GAK: variants seen among roughly 807,000 people sequenced by gnomAD.
GAK encodes cyclin G associated kinase, also known as cyclin-G-associated kinase.
Under a neutral mutation model 143.9 loss-of-function variants are expected in GAK, and 79 were observed. The observed-to-expected ratio is 0.55, with a 90% CI of 0.46 to 0.66. The LOEUF is 0.66. Among genes scored for constraint, GAK ranks in the 30% least tolerant of loss-of-function variants. The pLI is 0.00. For synonymous variants in GAK, 881 were observed against 765.5 expected (o/e 1.15, Z -2.49); for missense variants, 1,693 against 1,779.7 (o/e 0.95, Z 0.88).
At chr4:908,465 C>A (rs1256584236) in intron 4 of GAK, among the ~76,000 whole-genome samples, 1 of 152,192 alleles carries the variant, frequency 6.6e-6, no homozygotes, top group African/African-American at 2.4e-5. Flanking sequence ...GAGTTCAAGA[C>A]CAGCCTGGGC....
intron 1 of GAK, among the ~76,000 whole-genome samples, chr4:916,527 C>G (rs1723113006): frequency 6.6e-6 from 1 of 152,160 alleles, no homozygotes; most frequent in East Asian, 1.9e-4. Flanking sequence ...CAGAAAACAA[C>G]AAAATTTTTA....
chr4:889,491 G>A (rs1406695199), intron 10 of GAK, among the ~76,000 whole-genome samples: 1 of 151,512 alleles, frequency 6.6e-6, no homozygotes, highest in Non-Finnish European at 1.5e-5. Flanking sequence ...ACAGGAGACC[G>A]AGGCCCAGGC....
intron 24 of GAK, among the ~76,000 whole-genome samples, chr4:856,534 C>T (rs1208065296): frequency 6.7e-6 from 1 of 149,744 alleles, no homozygotes; most frequent in Admixed American, 6.6e-5. Context: ...CTCACCACCA[C>T]AGCTGCTCAC....
intron 4 of GAK, 69 bp from the exon 5 acceptor site, chr4:904,848 T>A: frequency 1.3e-6 from 2 of 1,498,396 alleles, no homozygotes; most frequent in South Asian, 2.4e-5. Context: ...TAGGGCTGTT[T>A]CACGCGGACT....
chr4:893,895 T>G lies in GAK; in HGVS notation c.856A>C (p.Thr286Pro), dbSNP rs756352934. ...YSIPPHDTQY[T>P]VFHSLIRAML... ...TTACGGATGAGGCTGTGGAAGACCGTGTACTGCGTGTCGTGCGGGGGGATC... is the reference window on the plus strand; with the variant it reads ...TTACGGATGAGGCTGTGGAAGACCGGGTACTGCGTGTCGTGCGGGGGGATC... Residue 286 changes from threonine (T) to proline (P), a missense_variant, in exon 8 of 28, where the codon ACG becomes CCG. Coordinates refer to ENST00000314167, the MANE Select transcript of GAK (RefSeq NM_005255.4). 9 of 1,606,928 alleles carry G rather than the reference T, an allele frequency of 5.6e-6. No homozygotes were observed. The East Asian group carries it at 2.0e-4, about 36-fold the overall frequency.
intron 14 of GAK, 100 bp from the exon 15 acceptor site, chr4:882,140 G>T (rs574348526): frequency 7.8e-7 from 1 of 1,282,502 alleles, no homozygotes; most frequent in Non-Finnish European, 1.1e-6. Flanking sequence ...CTGCAGGGAC[G>T]CAGGGCTGTT....
intron 1 of GAK, among the ~76,000 whole-genome samples, chr4:919,830 A>G (rs1723639807): frequency 6.6e-6 from 1 of 152,244 alleles, no homozygotes; most frequent in African/African-American, 2.4e-5. Flanking sequence ...TTACATCTAC[A>G]TCCAGCACCT....
chr4:865,874 C>T (rs995364211), intron 22 of GAK, among the ~76,000 whole-genome samples: 9 of 152,254 alleles, frequency 5.9e-5, no homozygotes, highest in Non-Finnish European at 1.0e-4. Context: ...CTGGCCCCAC[C>T]GGCGTCTGTC....
At chr4:878,404 T>C (rs1051959089) in intron 15 of GAK, among the ~76,000 whole-genome samples, 1 of 152,254 alleles carries the variant, frequency 6.6e-6, no homozygotes, top group Non-Finnish European at 1.5e-5. Context: ...ATAGTTTGTC[T>C]GATTTCAAAT....
At chr4:893,840 T>C (rs373374996) in intron 8 of GAK, 34 bp downstream of exon 8, 1 of 1,551,040 alleles carries the variant, frequency 6.4e-7, no homozygotes, top group Non-Finnish European at 8.7e-7. Context: ...TGCTCCAGGG[T>C]CCTGCCCCAC....
At chr4:897,880 C>T (rs965256290) in intron 6 of GAK, 153 bp downstream of exon 6, 12 of 777,218 alleles carry the variant, frequency 1.5e-5, no homozygotes, top group Middle Eastern at 4.1e-4. Flanking sequence ...ACCCAGGAGG[C>T]GGAGGTTGCA....
chr4:868,071 C>G (rs1339286634), intron 20 of GAK, among the ~76,000 whole-genome samples: 1 of 152,194 alleles, frequency 6.6e-6, no homozygotes, highest in African/African-American at 2.4e-5. Flanking sequence ...GCAGGTGCAT[C>G]CCTTGGGGTG....
intron 9 of GAK, 90 bp from the exon 10 acceptor site, chr4:890,712 G>A: frequency 9.9e-7 from 1 of 1,012,240 alleles, no homozygotes; most frequent in Non-Finnish European, 1.5e-6. Flanking sequence ...GGTGCCCTCA[G>A]AGCCCATCCT....
chr4:911,982 G>C (rs1232016558), intron 3 of GAK, 195 bp from the exon 4 acceptor site: 1 of 526,222 alleles, frequency 1.9e-6, no homozygotes, highest in Non-Finnish European at 3.6e-6. Flanking sequence ...GGCAGGAGGA[G>C]CTGCAGGAGA....
chr4:904,533 T>G, intron 5 of GAK, 104 bp downstream of exon 5: 1 of 976,042 alleles, frequency 1.0e-6, no homozygotes, highest in Non-Finnish European at 1.5e-6. Flanking sequence ...CACAGAGGCC[T>G]CAGCAGCCGC....
At chr4:879,164 T>C (rs145435242) in intron 15 of GAK, among the ~76,000 whole-genome samples, 1 of 152,228 alleles carries the variant, frequency 6.6e-6, no homozygotes, top group Non-Finnish European at 1.5e-5. Flanking sequence ...CCGAGTGTGT[T>C]GTGTCGGGTC....
intron 7 of GAK, 132 bp from the exon 8 acceptor site, chr4:894,141 C>T (rs1371558459): frequency 9.3e-7 from 1 of 1,074,670 alleles, no homozygotes; most frequent in Non-Finnish European, 1.3e-6. Flanking sequence ...GTGGGGAGCG[C>T]AGGGGTGACA....
At chr4:889,048 G>A in intron 10 of GAK, 78 bp from the exon 11 acceptor site, 1 of 1,479,324 alleles carries the variant, frequency 6.8e-7, no homozygotes, top group South Asian at 1.3e-5. Flanking sequence ...GCTGGGCCCA[G>A]GCCCCAGGCG....
At chr4:889,079 C>T (rs560612361) in intron 10 of GAK, 109 bp from the exon 11 acceptor site, 74 of 1,321,172 alleles carry the variant, frequency 5.6e-5, no homozygotes, top group African/African-American at 3.3e-4. Context: ...CCTCCCCAGG[C>T]GCTCGGTCCC....
Sources: gnomAD v4.1 joint callset for allele counts (sites outside exome capture counted in the v4.1 genomes callset) on GRCh38, gnomAD v4.1.1 for gene constraint, MANE v1.5 for transcripts, NCBI Gene and HGNC (gene_info 2026-07-23, HGNC 2026-07-21) for gene names.